UGT1A4: variants seen among roughly 807,000 people sequenced by gnomAD.
UGT1A4 encodes the protein UDP-glucuronosyltransferase 1A4.
A neutral mutation model predicts 41.1 loss-of-function variants in UGT1A4; 32 were observed. That is an observed-to-expected ratio of 0.78 (90% CI 0.59 to 1.05). UGT1A4 has a LOEUF of 1.05. Ranked by LOEUF, UGT1A4 falls within the 50% of genes least tolerant of loss-of-function variation. The probability of loss-of-function intolerance (pLI) is 0.00; values close to 1 mark genes in which losing one functional copy is unlikely to be tolerated. For synonymous variants in UGT1A4, 283 were observed against 265.1 expected (o/e 1.07, Z -0.66); for missense variants, 748 against 677.4 (o/e 1.10, Z -1.16).
chr2:233,737,176 C>CG (rs2078848522), intron 1 of UGT1A4, among the ~76,000 whole-genome samples: 1 of 152,196 alleles, frequency 6.6e-6, no homozygotes, highest in South Asian at 2.1e-4. Context: ...GAGTCTATAG[C>CG]GGCAGTAGCC....
At chr2:233,754,986 T>A (rs1394613146) in intron 1 of UGT1A4, 2 of 1,295,836 alleles carry the variant, frequency 1.5e-6, no homozygotes, top group Non-Finnish European at 2.1e-6. Flanking sequence ...CTCGGCGGGG[T>A]CACGGAAGCT....
chr2:233,719,039 A>G lies in UGT1A4; in HGVS notation c.219A>G (p.Lys73=). The G allele has an allele frequency of 6.2e-7, 1 of 1,614,110 alleles. No homozygotes were observed. The highest frequency in any genetic ancestry group is 8.5e-7 in the Non-Finnish European group (1 of 1,180,016). ...TGAATATGCACATCAAAGAAGAGAA[A>G]TTTTTCACCCTGACAGCCTATGCTG... ...PEVNMHIKEE[K]FFTLTAYAVP... Residue 73 remains lysine, a synonymous_variant, in exon 1 of 5, where the codon AAA becomes AAG. Transcript: ENST00000373409.
chr2:233,720,775 C>T (rs1334644827), intron 1 of UGT1A4, among the ~76,000 whole-genome samples: 5 of 151,426 alleles, frequency 3.3e-5, no homozygotes, highest in African/African-American at 4.9e-5. Flanking sequence ...GCCGGATCTC[C>T]GCTCACTGCA....
rs145912061 is a variant in UGT1A4 at position 233,761,006 on chromosome 2, G to A, written c.868-6028G>A. The A allele has an allele frequency of 8.7e-6, 14 of 1,614,158 alleles. No individual in the cohort carries two copies. The highest frequency in any genetic ancestry group is 1.2e-5 in the Non-Finnish European group (14 of 1,180,024). ...ACCCTTGCCTCAGAATTCCTTCAGAGAGAGGTGACTGTCCAGGACCTATTG... is the reference window on the plus strand; with the variant it reads ...ACCCTTGCCTCAGAATTCCTTCAGAAAGAGGTGACTGTCCAGGACCTATTG... On this transcript the variant is annotated intron_variant, in intron 1 of 4. Transcript: ENST00000373409.
Position 233,772,617 on chromosome 2 carries a change from GA to G in UGT1A4, c.*62del. 1 of 1,572,898 alleles carries G rather than the reference GA, an allele frequency of 6.4e-7. No homozygotes were observed. Among genetic ancestry groups the G allele is most frequent in the Non-Finnish European group, 8.6e-7 (1 of 1,158,346 alleles). On this transcript the variant is annotated 3_prime_UTR_variant, in exon 5 of 5. Coordinates refer to ENST00000373409, the MANE Select transcript of UGT1A4 (RefSeq NM_007120.3). The stretch of plus-strand genomic sequence containing the variant: ...CCATTCCCTAGTCATTTCCAAACTT[GA>G]AAACAGAATCAGTGTTAAATTCATT...
In UGT1A4 at chr2:233,719,379, T is replaced by C; in HGVS notation, c.559T>C (p.Cys187Arg). 6.2e-7 allele frequency: 1 copy of C among 1,613,988 alleles called. No individual in the cohort carries two copies. Among genetic ancestry groups the C allele is most frequent in the Non-Finnish European group, 8.5e-7 (1 of 1,179,874 alleles). ...PCDLDFKGTQCPNPSSYIPKL... is the reference protein window; with the variant it reads ...PCDLDFKGTQRPNPSSYIPKL... ...TGACTTAGACTTTAAGGGCACACAG[T>C]GTCCAAATCCTTCCTCCTATATTCC... Residue 187 changes from cysteine to arginine, a missense_variant, in exon 1 of 5, where the codon TGT (cysteine) becomes CGT (arginine). Physicochemically the swap from Cys to Arg is radical, Grantham distance 180. Transcript: ENST00000373409.
chr2:233,723,875 G>A (rs1353661197), intron 1 of UGT1A4, among the ~76,000 whole-genome samples: 1 of 40,312 alleles, frequency 2.5e-5, no homozygotes, highest in Non-Finnish European at 4.2e-5. Context: ...AGGATCCCAA[G>A]GCAGAGGAAT....
At chr2:233,767,333 T>C (rs921656362) in intron 2 of UGT1A4, among the ~76,000 whole-genome samples, 168 bp downstream of exon 2, 5 of 152,208 alleles carry the variant, frequency 3.3e-5, no homozygotes, top group African/African-American at 1.2e-4. Flanking sequence ...GTTGTTGTCA[T>C]TGTTTTCAAT....
chr2:233,766,905 T>C, intron 1 of UGT1A4, 129 bp from the exon 2 acceptor site: 15 of 1,501,130 alleles, frequency 1.0e-5, no homozygotes, highest in Non-Finnish European at 1.2e-5. Flanking sequence ...AATAATTTTT[T>C]ACTCTATCTC....
At chr2:233,767,542 T>C (rs1158948915) in intron 2 of UGT1A4, among the ~76,000 whole-genome samples, 1 of 152,274 alleles carries the variant, frequency 6.6e-6, no homozygotes, top group African/African-American at 2.4e-5. Context: ...TTTCTGCTCT[T>C]ATAGTTCTGC....
chr2:233,727,759 G>T (rs2077649754), intron 1 of UGT1A4, among the ~76,000 whole-genome samples: 1 of 152,172 alleles, frequency 6.6e-6, no homozygotes. Flanking sequence ...CTGCCCTTGA[G>T]CTGGGTGTCC....
intron 1 of UGT1A4, chr2:233,743,791 C>G: frequency 7.3e-7 from 1 of 1,367,342 alleles, no homozygotes; most frequent in Non-Finnish European, 9.8e-7. Flanking sequence ...ATCTCCTCTC[C>G]GCTTCCTCCT....
chr2:233,770,422 G>A (rs995965680), intron 4 of UGT1A4: 1 of 152,196 alleles, frequency 6.6e-6, no homozygotes, highest in Non-Finnish European at 1.5e-5. Flanking sequence ...GGGAGGCCGA[G>A]GCAGGTGGAT....
chr2:233,760,258 G>C (rs1164776908), intron 1 of UGT1A4: 2 of 1,611,088 alleles, frequency 1.2e-6, no homozygotes, highest in Non-Finnish European at 1.7e-6. Context: ...AAGTAGGAGA[G>C]GGCGAACCTC....
chr2:233,753,154 C>T lies in UGT1A4; in HGVS notation c.868-13880C>T, dbSNP rs369458076. On this transcript the variant is annotated intron_variant, in intron 1 of 4. Transcript: ENST00000373409. The stretch of plus-strand genomic sequence containing the variant: ...TGAGTATCTTCACACATGTAAGTTC[C>T]CTTATCCGGATCACTAAAAAATGAA... 1.2e-4 allele frequency: 18 copies of T among 152,308 alleles called. No homozygotes were observed. The South Asian group carries it at 1.9e-3, about 16-fold the overall frequency. 9.4% of individuals were successfully genotyped at this position (152,308 alleles called of 1,614,324 possible). A position where few individuals can be genotyped will look rare whatever the true frequency, so the allele number is the denominator to read the frequency against.
chr2:233,732,709 C>A (rs540969589), intron 1 of UGT1A4, among the ~76,000 whole-genome samples: 5 of 150,878 alleles, frequency 3.3e-5, no homozygotes, highest in Non-Finnish European at 7.4e-5. Flanking sequence ...GTTACTGTAG[C>A]CTTGTAGTAC....
chr2:233,729,830 C>T, intron 1 of UGT1A4: 2 of 1,613,904 alleles, frequency 1.2e-6, no homozygotes, highest in Non-Finnish European at 1.7e-6. Flanking sequence ...GCAAGCCTTG[C>T]CTCTGAGCTT....
chr2:233,724,560 G>GCA (rs2077282425), intron 1 of UGT1A4, among the ~76,000 whole-genome samples: 1 of 129,456 alleles, frequency 7.7e-6, no homozygotes, highest in Non-Finnish European at 1.6e-5. Context: ...CATCCCAGAT[G>GCA]GGGCGGCGGG....
intron 1 of UGT1A4, among the ~76,000 whole-genome samples, chr2:233,740,474 C>T (rs1003783592): frequency 2.0e-5 from 3 of 151,920 alleles, no homozygotes; most frequent in African/African-American, 7.3e-5. Context: ...CAGAAAGGAT[C>T]ATTCCCTCTT....
Sources: allele counts gnomAD v4.1 joint callset (sites outside exome capture counted in the v4.1 genomes callset), GRCh38; gene constraint gnomAD v4.1.1; transcripts MANE v1.5; gene names NCBI Gene and HGNC (gene_info 2026-07-23, HGNC 2026-07-21).